KCNQ3: variants seen among roughly 807,000 people sequenced by gnomAD.
KCNQ3 encodes the protein potassium voltage-gated channel subfamily Q member 3.
KCNQ3 carries 30 observed loss-of-function variants against 92.5 expected under a neutral mutation model. The observed-to-expected ratio is 0.32, with a 90% CI of 0.24 to 0.44. The LOEUF is 0.44. Ranked by LOEUF, KCNQ3 falls within the 20% of genes least tolerant of loss-of-function variation. The pLI is 1.00. For synonymous variants in KCNQ3, 450 were observed against 468.8 expected, an observed-to-expected ratio of 0.96 and a Z score of 0.52; for missense variants, 913 against 1,140.3, an observed-to-expected ratio of 0.80 and a Z score of 2.87.
At chr8:132,389,493 A>T (rs1380196951) in intron 1 of KCNQ3, among the ~76,000 whole-genome samples, 2 of 152,200 alleles carry the variant, frequency 1.3e-5, no homozygotes, top group African/African-American at 2.4e-5. Context: ...CAACAAAAAC[A>T]TCAATAGAGA....
intron 1 of KCNQ3, among the ~76,000 whole-genome samples, chr8:132,318,594 T>C (rs372221897): frequency 5.9e-5 from 9 of 152,354 alleles, no homozygotes; most frequent in East Asian, 3.9e-4. Flanking sequence ...TCCTTGCTAT[T>C]TGGTGTTGCA....
At position 132,129,132 on chromosome 8, in the gene KCNQ3, G is replaced by A. The variant is rs1824764916; in HGVS notation, c.*130C>T. 2 of 1,103,046 alleles carry A rather than the reference G, an allele frequency of 1.8e-6. No homozygotes were observed. Among genetic ancestry groups the A allele is most frequent in the South Asian group, 1.5e-5 (1 of 68,466 alleles). The allele number at this position is 1,103,046 out of a possible 1,614,324, so 68.3% of individuals were successfully genotyped here. A position where few individuals can be genotyped will look rare whatever the true frequency, so the allele number is the denominator to read the frequency against. On this transcript the variant is annotated 3_prime_UTR_variant, in exon 15 of 15. Transcript: ENST00000388996. The surrounding 1 kb of genome is among the most constrained non-coding windows in gnomAD (Gnocchi z 5.9). ...GGCTGTGGGAAGCCCCTGCCTGGGTGGGGCCACCACGCACACGCATGCATT... is the reference window on the plus strand; with the variant it reads ...GGCTGTGGGAAGCCCCTGCCTGGGTAGGGCCACCACGCACACGCATGCATT...
intron 1 of KCNQ3, among the ~76,000 whole-genome samples, chr8:132,286,243 T>C (rs1816677192): frequency 6.6e-6 from 1 of 152,162 alleles, no homozygotes; most frequent in Non-Finnish European, 1.5e-5. Flanking sequence ...GATGTAACTC[T>C]ACCCAGAGAC....
chr8:132,377,599 T>C (rs567238979), intron 1 of KCNQ3, among the ~76,000 whole-genome samples: 2 of 152,314 alleles, frequency 1.3e-5, no homozygotes, highest in South Asian at 2.1e-4. Flanking sequence ...TGTTTCTAGC[T>C]CTGGCTGAGA....
chr8:132,181,759 A>G (rs908384149), intron 3 of KCNQ3, among the ~76,000 whole-genome samples: 7 of 152,174 alleles, frequency 4.6e-5, no homozygotes, highest in African/African-American at 1.7e-4. Context: ...CATTTGCCAA[A>G]AAAGCTGATG....
intron 1 of KCNQ3, among the ~76,000 whole-genome samples, chr8:132,448,475 G>A (rs1336763600): frequency 7.8e-6 from 1 of 128,140 alleles, no homozygotes; most frequent in East Asian, 2.3e-4. Flanking sequence ...AAGAAGCTGA[G>A]CTCTAAGGGG....
intron 1 of KCNQ3, among the ~76,000 whole-genome samples, chr8:132,276,301 T>C (rs1026595495): frequency 6.6e-6 from 1 of 152,108 alleles, no homozygotes; most frequent in Non-Finnish European, 1.5e-5. Flanking sequence ...CCTTTGTGGG[T>C]TTTACAGAAG....
intron 1 of KCNQ3, among the ~76,000 whole-genome samples, chr8:132,456,325 C>T (rs1821937440): frequency 6.6e-6 from 1 of 152,158 alleles, no homozygotes; most frequent in Admixed American, 6.5e-5. Context: ...GGAACAAGCC[C>T]ACTGCTTCTG....
intron 1 of KCNQ3, among the ~76,000 whole-genome samples, chr8:132,479,071 A>T (rs1482698570): frequency 6.6e-6 from 1 of 152,172 alleles, no homozygotes; most frequent in Non-Finnish European, 1.5e-5. Context: ...TGACTAAACC[A>T]GAGCCAGAAG....
Position 132,445,116 on chromosome 8 carries a change from T to C in KCNQ3, c.386+35031A>G, listed in dbSNP as rs537976764. ...TTTTATAGACACAAAAACCTAAGGCTCAGAAAGGCAAAAGGACCAACTGGT... is the reference window on the plus strand; with the variant it reads ...TTTTATAGACACAAAAACCTAAGGCCCAGAAAGGCAAAAGGACCAACTGGT... On this transcript the variant is annotated intron_variant, in intron 1 of 14. Coordinates refer to ENST00000388996, the MANE Select transcript of KCNQ3 (RefSeq NM_004519.4). Among the ~76,000 whole-genome samples the C allele has an allele frequency of 2.0e-5, 3 of 152,232 alleles. No individual in the cohort carries two copies. The East Asian group carries it at 5.8e-4, about 29-fold the overall frequency.
chr8:132,167,413 T>C (rs776040444), intron 8 of KCNQ3, among the ~76,000 whole-genome samples: 2 of 152,182 alleles, frequency 1.3e-5, no homozygotes, highest in Non-Finnish European at 2.9e-5. Context: ...TTTAAAAGGG[T>C]ACCTTTTATG....
chr8:132,217,345 C>T (rs1194542834), intron 1 of KCNQ3, among the ~76,000 whole-genome samples: 1 of 152,108 alleles, frequency 6.6e-6, no homozygotes, highest in Non-Finnish European at 1.5e-5. Flanking sequence ...ATTTAGTCAC[C>T]ATTTCTTCAT....
chr8:132,415,326 C>T (rs2130802921), intron 1 of KCNQ3, among the ~76,000 whole-genome samples: 1 of 152,310 alleles, frequency 6.6e-6, no homozygotes, highest in Middle Eastern at 3.4e-3. Context: ...GCAATGACAC[C>T]AGAGGAGTGT....
chr8:132,274,232 G>T (rs1357952562), intron 1 of KCNQ3, among the ~76,000 whole-genome samples: 8 of 152,192 alleles, frequency 5.3e-5, no homozygotes, highest in Non-Finnish European at 1.2e-4. Flanking sequence ...ATGGTGGAAG[G>T]CAAGGAGAAG....
intron 1 of KCNQ3, among the ~76,000 whole-genome samples, chr8:132,357,304 C>T (rs1456004835): frequency 6.6e-6 from 1 of 152,148 alleles, no homozygotes; most frequent in Non-Finnish European, 1.5e-5. Context: ...AGAAGTGAGC[C>T]GGTAGAGGAA....
chr8:132,147,265 G>T (rs1247013958), intron 9 of KCNQ3, among the ~76,000 whole-genome samples: 1 of 152,164 alleles, frequency 6.6e-6, no homozygotes, highest in Non-Finnish European at 1.5e-5. Flanking sequence ...TGAGGAAAAA[G>T]ATTGATAAAT....
At chr8:132,228,779 C>T (rs1386844019) in intron 1 of KCNQ3, among the ~76,000 whole-genome samples, 2 of 148,268 alleles carry the variant, frequency 1.3e-5, no homozygotes, top group Non-Finnish European at 3.0e-5. Context: ...AAAAAAGAGG[C>T]AAGCGAAGAA....
chr8:132,439,903 G>T (rs1273056489), intron 1 of KCNQ3, among the ~76,000 whole-genome samples: 1 of 152,152 alleles, frequency 6.6e-6, no homozygotes, highest in Non-Finnish European at 1.5e-5. Context: ...ACAGAAGTAG[G>T]AAACTACAGT....
At chr8:132,253,872 A>G (rs1484649204) in intron 1 of KCNQ3, among the ~76,000 whole-genome samples, 1 of 152,226 alleles carries the variant, frequency 6.6e-6, no homozygotes, top group Non-Finnish European at 1.5e-5. Context: ...CTGTAGAAGA[A>G]AAGCTTCTCC....
Sources: gnomAD v4.1 joint callset for allele counts (sites outside exome capture counted in the v4.1 genomes callset) on GRCh38, gnomAD v4.1.1 for gene constraint, Gnocchi (gnomAD v3.1) non-coding constraint, MANE v1.5 for transcripts, NCBI Gene and HGNC (gene_info 2026-07-23, HGNC 2026-07-21) for gene names.